The following DHRS11 variants were observed in gnomAD, a reference collection of about 807,000 sequenced individuals.
DHRS11 encodes dehydrogenase/reductase 11, also known as dehydrogenase/reductase SDR family member 11.
Under a neutral mutation model 30.7 loss-of-function variants are expected in DHRS11, and 18 were observed. The ratio of observed to expected loss-of-function variants is 0.59; its 90% confidence interval spans 0.41 to 0.87. DHRS11 has a LOEUF of 0.87. DHRS11 is among the 40% of genes least tolerant of loss of function. The pLI, the probability that DHRS11 is intolerant of heterozygous loss-of-function variation, is 0.00. For missense variants in DHRS11, 300 were observed against 349.0 expected, an observed-to-expected ratio of 0.86 and a Z score of 1.12; for synonymous variants, 123 against 139.6, an observed-to-expected ratio of 0.88 and a Z score of 0.84.
intron 3 of DHRS11, 56 bp downstream of exon 3, chr17:36,598,313 C>T: frequency 6.5e-7 from 1 of 1,539,134 alleles, no homozygotes; most frequent in Non-Finnish European, 9.0e-7. Context: ...TAATGTGCTG[C>T]AGCTCACCTG....
At chr17:36,599,890 G>A (rs2074843349) in intron 5 of DHRS11, 82 bp from the exon 6 acceptor site, 1 of 1,582,266 alleles carries the variant, frequency 6.3e-7, no homozygotes, top group Non-Finnish European at 8.6e-7. Context: ...TGGATGTGTG[G>A]ATGCCACAGA....
At chr17:36,594,203 G>A (rs537804391) in intron 1 of DHRS11, among the ~76,000 whole-genome samples, 3 of 152,254 alleles carry the variant, frequency 2.0e-5, no homozygotes, top group African/African-American at 7.2e-5. Flanking sequence ...TGCAGTTTGC[G>A]AGGGGAGGGG....
chr17:36,598,124 C>CT (rs2074825800), intron 2 of DHRS11, 39 bp from the exon 3 acceptor site: 1 of 1,600,630 alleles, frequency 6.2e-7, no homozygotes, highest in African/African-American at 1.3e-5. Context: ...CTCAGTTGGG[C>CT]CGGAGTGGAG....
intron 2 of DHRS11, chr17:36,596,268 C>T (rs983207870): frequency 1.3e-5 from 2 of 152,384 alleles, no homozygotes; most frequent in East Asian, 3.8e-4. Flanking sequence ...TCAAGCTATT[C>T]TCCTGCCTCA....
chr17:36,599,804 TA>T, intron 5 of DHRS11, 41 bp downstream of exon 5: 1 of 1,611,312 alleles, frequency 6.2e-7, no homozygotes, highest in Middle Eastern at 1.7e-4. Flanking sequence ...ACTGACTCCC[TA>T]AATGAAGGCA....
chr17:36,597,989 A>G, intron 2 of DHRS11, 174 bp from the exon 3 acceptor site: 3 of 662,542 alleles, frequency 4.5e-6, no homozygotes, highest in Non-Finnish European at 5.3e-6. Flanking sequence ...CTTTAGGGAG[A>G]GGGGCATCTC....
In DHRS11 at chr17:36,595,124, G is replaced by A. The variant is rs1216472894; in HGVS notation, c.301G>A (p.Ala101Thr). 1 of 1,614,076 alleles carries A rather than the reference G, an allele frequency of 6.2e-7. No homozygotes were observed. Among genetic ancestry groups the A allele is most frequent in the Admixed American group, 1.7e-5 (1 of 60,020 alleles). Reference sequence around the variant, plus strand: ...CATCTGCATCAACAATGCTGGCTTGGCCCGGCCTGACACCCTGCTCTCAGG... The same window carrying A: ...CATCTGCATCAACAATGCTGGCTTGACCCGGCCTGACACCCTGCTCTCAGG... The part of the protein sequence containing the change: ...VDICINNAGL[A>T]RPDTLLSGST... The change falls in exon 2 of 7, where the codon GCC (alanine) becomes ACC (threonine). Residue 101 changes from alanine (A) to threonine (T), a missense_variant. Ala to Thr is a moderately conservative substitution (Grantham distance 58). Transcript: ENST00000618403.
chr17:36,592,026 T>C lies in DHRS11; in HGVS notation c.17T>C (p.Met6Thr). Reference protein sequence around the residue: MARPGMERWRDRLALV... With the variant: MARPGTERWRDRLALV... ...CGTGGGCCCATGGCCAGGCCCGGCA[T>C]GGAGCGGTGGCGCGACCGGCTGGCG... is the stretch of plus-strand genomic sequence containing the variant. The change falls in exon 1 of 7, where the codon ATG becomes ACG. Residue 6 changes from methionine to threonine, a missense_variant. By Grantham distance (81) the Met-to-Thr change is moderately conservative. Coordinates refer to ENST00000618403, the MANE Select transcript of DHRS11 (RefSeq NM_024308.4). The surrounding 1 kb of genome is among the most constrained non-coding windows in gnomAD (Gnocchi z 4.4). 2.4e-6 allele frequency: 3 copies of C among 1,230,078 alleles called. No individual in the cohort carries two copies. The highest frequency in any genetic ancestry group is 3.0e-6 in the Non-Finnish European group (3 of 986,460). 76.2% of individuals were successfully genotyped at this position (1,230,078 alleles called of 1,614,324 possible).
Position 36,600,314 on chromosome 17 carries a change from G to C in DHRS11, c.*111G>C. The C allele has an allele frequency of 7.9e-7, 1 of 1,273,256 alleles. No homozygotes were observed. Among genetic ancestry groups the C allele is most frequent in the Non-Finnish European group, 1.1e-6 (1 of 904,274 alleles). 78.9% of individuals were successfully genotyped at this position (1,273,256 alleles called of 1,614,324 possible). Reference sequence around the variant, plus strand: ...GGATACCACTTCCTGTCCACACCCCGACCAGGGGCTAGAAAATTTGTTTGA... The same window carrying C: ...GGATACCACTTCCTGTCCACACCCCCACCAGGGGCTAGAAAATTTGTTTGA... On this transcript the variant is annotated 3_prime_UTR_variant, in exon 7 of 7. Transcript: ENST00000618403.
rs1365199967 is a variant in DHRS11, at chr17:36,592,604, C to T, written c.147+448C>T. Among the ~76,000 whole-genome samples, 4 of 152,170 alleles carry T rather than the reference C, an allele frequency of 2.6e-5. No individual in the cohort carries two copies. The highest frequency in any genetic ancestry group is 9.7e-5 in the African/African-American group (4 of 41,444). On this transcript the variant is annotated intron_variant, in intron 1 of 6. Coordinates refer to ENST00000618403, the MANE Select transcript of DHRS11 (RefSeq NM_024308.4). The surrounding 1 kb of genome is among the most constrained non-coding windows in gnomAD (Gnocchi z 4.4). Reference sequence around the variant, plus strand: ...TACTGAAGAGCCTCAGCCCCGCCCCCTCACCTCGGGGGTAACTCATGCCCA... The same window carrying T: ...TACTGAAGAGCCTCAGCCCCGCCCCTTCACCTCGGGGGTAACTCATGCCCA...
chr17:36,595,798 G>A (rs955493248), intron 2 of DHRS11, among the ~76,000 whole-genome samples: 2 of 152,178 alleles, frequency 1.3e-5, no homozygotes, highest in Non-Finnish European at 2.9e-5. Flanking sequence ...ACTGCTGCCT[G>A]TTGAATGTTT....
rs73278849 is a variant in DHRS11, at chr17:36,596,408, C to T, written c.357+1228C>T. 4.2e-3 allele frequency: 676 copies of T among 160,808 alleles called. 8 individuals are homozygous for T. Among genetic ancestry groups the T allele is most frequent in the African/African-American group, 0.016 (663 of 41,624 alleles). The allele number at this position is 160,808 out of a possible 1,614,324, so 10.0% of individuals were successfully genotyped here. ...ATCGCCTAACCTCGTGATCCGCCTG[C>T]CTTGGTCTCCCAGAGTGCTGGGATT... is the stretch of plus-strand genomic sequence containing the variant. On this transcript the variant is annotated intron_variant, in intron 2 of 6. Transcript: ENST00000618403.
intron 3 of DHRS11, 87 bp downstream of exon 3, chr17:36,598,344 C>A: frequency 8.2e-7 from 1 of 1,224,602 alleles, no homozygotes; most frequent in Non-Finnish European, 1.2e-6. Context: ...ACCTCAGTTT[C>A]CTTGGTGGGA....
rs1660387686 is a variant in DHRS11 at position 36,596,789 on chromosome 17, G to A, written c.358-1374G>A. ...GTTGAAAGCAGTGTGTGAATGGGGT[G>A]TTCTTTTCTCCCCACAATCCTTTCC... On this transcript the variant is annotated intron_variant, in intron 2 of 6. Transcript: ENST00000618403. The A allele has an allele frequency of 6.4e-6, 3 of 470,802 alleles. No homozygotes were observed. The Admixed American group carries it at 7.1e-5, about 11-fold the overall frequency. 29.2% of individuals were successfully genotyped at this position (470,802 alleles called of 1,614,324 possible).
At chr17:36,599,627 C>T in intron 4 of DHRS11, 44 bp from the exon 5 acceptor site, 1 of 1,607,154 alleles carries the variant, frequency 6.2e-7, no homozygotes, top group East Asian at 2.2e-5. Flanking sequence ...TCCCCAAGAC[C>T]TGGCAAAGCT....
chr17:36,592,402 T>C lies in DHRS11; in HGVS notation c.147+246T>C, dbSNP rs1193935099. ...CCGCCCCTCGGGTCTCCCCAGGGTA[T>C]TGGCCCGAGGAAGGGGAAGCCGGAG... On this transcript the variant is annotated intron_variant, in intron 1 of 6. Coordinates refer to ENST00000618403, the MANE Select transcript of DHRS11 (RefSeq NM_024308.4). This position sits in a 1 kb window ranked among gnomAD's most constrained non-coding sequence, Gnocchi z 4.4. Among the ~76,000 whole-genome samples the C allele has an allele frequency of 6.6e-6, 1 of 152,144 alleles. No homozygotes were observed. Among genetic ancestry groups the C allele is most frequent in the Non-Finnish European group, 1.5e-5 (1 of 67,998 alleles).
chr17:36,599,571 C>T, intron 4 of DHRS11, 100 bp from the exon 5 acceptor site: 1 of 1,219,748 alleles, frequency 8.2e-7, no homozygotes, highest in Non-Finnish European at 1.2e-6. Flanking sequence ...AGGCAGCCAT[C>T]ACTGTGAAGC....
chr17:36,593,715 C>T (rs1487455197), intron 1 of DHRS11, among the ~76,000 whole-genome samples: 2 of 152,214 alleles, frequency 1.3e-5, no homozygotes, highest in East Asian at 1.9e-4. Flanking sequence ...CCAAGACACC[C>T]GATCCTGTCC....
rs1009098935 is a variant in DHRS11, at chr17:36,598,044, G to A, written c.358-119G>A. ...CTGTGCCTGTGGCTGGTCTCCGGGG[G>A]GACCTGGACACTGTTTTGGAATGCC... On this transcript the variant is annotated intron_variant, in intron 2 of 6. Coordinates refer to ENST00000618403, the MANE Select transcript of DHRS11 (RefSeq NM_024308.4). 1.5e-4 allele frequency: 149 copies of A among 988,578 alleles called. No homozygotes were observed. The African/African-American group carries it at 2.0e-3, about 13-fold the overall frequency. The allele number at this position is 988,578 out of a possible 1,614,324, so 61.2% of individuals were successfully genotyped here.
Sources: gnomAD v4.1 joint callset for allele counts (sites outside exome capture counted in the v4.1 genomes callset) on GRCh38, gnomAD v4.1.1 for gene constraint, Gnocchi (gnomAD v3.1) non-coding constraint, MANE v1.5 for transcripts, NCBI Gene and HGNC (gene_info 2026-07-23, HGNC 2026-07-21) for gene names.